The following CADM2 variants were observed in gnomAD, a reference collection of about 807,000 sequenced individuals.
The protein encoded by CADM2 is cell adhesion molecule 2.
In CADM2, 12 loss-of-function variants were observed where a neutral mutation model predicts 49.8. That is an observed-to-expected ratio of 0.24 (90% CI 0.15 to 0.39). The LOEUF (loss-of-function observed/expected upper bound fraction) is 0.39. Among genes scored for constraint, CADM2 ranks in the 10% least tolerant of loss-of-function variants. CADM2 has a pLI of 1.00. For synonymous variants in CADM2, 214 were observed against 175.4 expected (o/e 1.22, Z -1.74); for missense variants, 378 against 492.3 (o/e 0.77, Z 2.20).
chr3:85,194,945 C>G (rs2041305340), intron 1 of CADM2, among the ~76,000 whole-genome samples: 1 of 152,000 alleles, frequency 6.6e-6, no homozygotes, highest in African/African-American at 2.4e-5. Flanking sequence ...TGGGCTAAAG[C>G]AATCCTCCTG....
intron 1 of CADM2, among the ~76,000 whole-genome samples, chr3:85,521,458 T>G (rs2061024725): frequency 6.6e-6 from 1 of 152,188 alleles, no homozygotes; most frequent in Non-Finnish European, 1.5e-5. Context: ...GGTCACTCTT[T>G]TATGTTTGCG....
chr3:85,931,971 G>T (rs1007117708), intron 6 of CADM2, among the ~76,000 whole-genome samples: 1 of 150,774 alleles, frequency 6.6e-6, no homozygotes, highest in African/African-American at 2.4e-5. Context: ...ATTATGAAAG[G>T]TTTTAAGTAG....
intron 1 of CADM2, among the ~76,000 whole-genome samples, chr3:85,083,260 T>C (rs2037240450): frequency 6.6e-6 from 1 of 152,036 alleles, no homozygotes; most frequent in Non-Finnish European, 1.5e-5. Context: ...AGGGGTAAAA[T>C]TAAAATTGTG....
intron 6 of CADM2, among the ~76,000 whole-genome samples, chr3:85,934,107 T>G (rs1475688586): frequency 3.9e-5 from 6 of 152,060 alleles, no homozygotes; most frequent in Non-Finnish European, 7.4e-5. Context: ...TCTCCCAAAA[T>G]TATACATTTC....
At chr3:86,027,542 C>G (rs75572523) in intron 8 of CADM2, among the ~76,000 whole-genome samples, 4,890 of 152,120 alleles carry the variant, frequency 0.032, 150 homozygotes, top group African/African-American at 0.077. Flanking sequence ...CTATTGCCAA[C>G]AGCAGCAAAA....
intron 1 of CADM2, among the ~76,000 whole-genome samples, chr3:85,655,504 C>A (rs2065169033): frequency 6.6e-6 from 1 of 151,602 alleles, no homozygotes; most frequent in African/African-American, 2.4e-5. Context: ...GTAAACATCA[C>A]TTCTTAATAA....
intron 7 of CADM2, among the ~76,000 whole-genome samples, chr3:85,948,316 CT>C (rs957971193): frequency 7.3e-5 from 11 of 151,018 alleles, no homozygotes; most frequent in East Asian, 5.9e-4. Context: ...AAGATTTGCA[CT>C]TTTTTTTGCA....
chr3:85,920,604 C>T lies in CADM2; in HGVS notation c.700+8061C>T, dbSNP rs117747006. 1.0e-2 allele frequency among the ~76,000 whole-genome samples: 1,508 copies of T among 151,292 alleles called. 30 individuals are homozygous for T. Among genetic ancestry groups the T allele is most frequent in the East Asian group, 0.047 (242 of 5,150 alleles). ...GAGAAGTTACATTTATGTATATTAC[C>T]AGCAGTATATATTAATGGCACATTT... On this transcript the variant is annotated intron_variant, in intron 6 of 9. Coordinates refer to ENST00000383699, the MANE Select transcript of CADM2 (RefSeq NM_001167675.2).
At chr3:85,334,631 C>A (rs2045027417) in intron 1 of CADM2, among the ~76,000 whole-genome samples, 1 of 151,458 alleles carries the variant, frequency 6.6e-6, no homozygotes, top group Non-Finnish European at 1.5e-5. Context: ...TAAAACTTAG[C>A]TAAATTTTGT....
intron 1 of CADM2, among the ~76,000 whole-genome samples, chr3:84,982,462 A>C (rs12163548): frequency 0.049 from 7,495 of 151,826 alleles, 223 homozygotes; most frequent in East Asian, 0.099. Context: ...GTATTTCTAC[A>C]AAGAAGGTAC....
Position 85,150,195 on chromosome 3 carries a change from A to T in CADM2, c.61+190527A>T, listed in dbSNP as rs565265226. Among the ~76,000 whole-genome samples, 179 of 152,296 alleles carry T rather than the reference A, an allele frequency of 1.2e-3. 1 individual carries two copies. Among genetic ancestry groups the T allele is most frequent in the African/African-American group, 3.9e-3 (162 of 41,562 alleles). On this transcript the variant is annotated intron_variant, in intron 1 of 9. Transcript: ENST00000383699. ...TTCAGAAGCTGAAAGGTTTTAGAGG[A>T]TGACAAGACCTTTTTGTCTGTATTT...
Position 85,371,677 on chromosome 3 carries a change from G to GTA in CADM2, c.62-354809_62-354808dup, listed in dbSNP as rs1167720851. On this transcript the variant is annotated intron_variant, in intron 1 of 9. Transcript: ENST00000383699. The stretch of plus-strand genomic sequence containing the variant: ...TATATATATATGTGTGTGTGTGTGT[G>GTA]TATATATATATATATATATATATAT... Among the ~76,000 whole-genome samples, 98 of 95,128 alleles carry GTA rather than the reference G, an allele frequency of 1.0e-3. 1 individual carries two copies. Among genetic ancestry groups the GTA allele is most frequent in the African/African-American group, 3.9e-3 (88 of 22,526 alleles). 62.4% of individuals were successfully genotyped at this position (95,128 alleles called of 152,430 possible).
At chr3:85,769,129 CATATATAGTATATATACACATA>C (rs2069841611) in intron 2 of CADM2, among the ~76,000 whole-genome samples, 1 of 45,056 alleles carries the variant, frequency 2.2e-5, no homozygotes, top group East Asian at 9.6e-4. Flanking sequence ...CACATATATA[CATATATAGTATATATACACATA>C]TATACATATA....
intron 1 of CADM2, among the ~76,000 whole-genome samples, chr3:85,496,082 C>T (rs62250724): frequency 0.31 from 46,735 of 151,904 alleles, 8,192 homozygotes; most frequent in East Asian, 0.55. Context: ...CAGGGGTACA[C>T]GTTCAGGTTT....
chr3:85,959,032 A>G (rs1464289154), intron 7 of CADM2, among the ~76,000 whole-genome samples: 1 of 127,980 alleles, frequency 7.8e-6, no homozygotes, highest in Non-Finnish European at 1.5e-5. Flanking sequence ...AAAAAAATCT[A>G]TATCTATATC....
At chr3:85,048,924 A>C (rs2035770104) in intron 1 of CADM2, among the ~76,000 whole-genome samples, 1 of 152,190 alleles carries the variant, frequency 6.6e-6, no homozygotes, top group Non-Finnish European at 1.5e-5. Flanking sequence ...ATTCAGAGGG[A>C]AAATGGAAAG....
intron 3 of CADM2, among the ~76,000 whole-genome samples, chr3:85,804,624 A>G (rs1396286485): frequency 2.0e-5 from 3 of 152,196 alleles, no homozygotes; most frequent in Non-Finnish European, 4.4e-5. Flanking sequence ...GCACAAAGAC[A>G]AAATCTATAT....
chr3:85,244,678 C>T (rs946190925), intron 1 of CADM2, among the ~76,000 whole-genome samples: 1 of 152,040 alleles, frequency 6.6e-6, no homozygotes, highest in Non-Finnish European at 1.5e-5. Context: ...GGCTGCTATC[C>T]GAAAGTAACT....
intron 1 of CADM2, among the ~76,000 whole-genome samples, chr3:85,520,022 A>G (rs17515586): frequency 0.52 from 78,255 of 151,890 alleles, 23,151 homozygotes; most frequent in East Asian, 0.85. Flanking sequence ...ATGCACTAAA[A>G]TCTACCAACA....
Sources: allele counts gnomAD v4.1 joint callset (sites outside exome capture counted in the v4.1 genomes callset), GRCh38; gene constraint gnomAD v4.1.1; transcripts MANE v1.5; gene names NCBI Gene and HGNC (gene_info 2026-07-23, HGNC 2026-07-21).